The following RGS17 variants were observed in gnomAD, a reference collection of about 807,000 sequenced individuals.
The protein encoded by RGS17 is regulator of G protein signaling 17.
RGS17 carries 12 observed loss-of-function variants against 25.5 expected under a neutral mutation model. The observed-to-expected ratio is 0.47, with a 90% CI of 0.30 to 0.76. The LOEUF is 0.76. Among genes scored for constraint, RGS17 ranks in the 30% least tolerant of loss-of-function variants. The probability of loss-of-function intolerance (pLI) is 0.07; values close to 1 mark genes in which losing one functional copy is unlikely to be tolerated. For missense variants in RGS17, 196 were observed against 242.2 expected (o/e 0.81, Z 1.27); for synonymous variants, 71 against 76.9 (o/e 0.92, Z 0.40).
At chr6:153,116,553 A>T (rs527575334) in intron 1 of RGS17, among the ~76,000 whole-genome samples, 1 of 152,328 alleles carries the variant, frequency 6.6e-6, no homozygotes, top group South Asian at 2.1e-4. Context: ...ATACCATTTG[A>T]CCCAGCAATC....
chr6:153,025,102 G>A (rs187403199), intron 3 of RGS17, among the ~76,000 whole-genome samples: 1 of 151,858 alleles, frequency 6.6e-6, no homozygotes, highest in Non-Finnish European at 1.5e-5. Context: ...TTGAGTCCAG[G>A]AGTTTGAGGT....
intron 1 of RGS17, among the ~76,000 whole-genome samples, chr6:153,114,892 A>G (rs1777522386): frequency 6.6e-6 from 1 of 152,238 alleles, no homozygotes; most frequent in East Asian, 1.9e-4. Context: ...CTTCATGCTA[A>G]AAACTCTCAA....
intron 1 of RGS17, among the ~76,000 whole-genome samples, chr6:153,083,607 A>C: frequency 6.6e-6 from 1 of 152,232 alleles, no homozygotes; most frequent in East Asian, 1.9e-4. Flanking sequence ...CAATATTTAT[A>C]GGGGAGGACA....
intron 2 of RGS17, among the ~76,000 whole-genome samples, chr6:153,039,713 T>C (rs1296090888): frequency 1.3e-5 from 2 of 152,222 alleles, no homozygotes; most frequent in Non-Finnish European, 1.5e-5. Context: ...TTTAAGCTCA[T>C]AATAAACTTT....
chr6:153,115,642 G>C (rs1361369587), intron 1 of RGS17, among the ~76,000 whole-genome samples: 1 of 152,126 alleles, frequency 6.6e-6, no homozygotes. Context: ...AAAGAACAAA[G>C]CTGGAGGCAT....
At chr6:153,117,239 A>C (rs1185711872) in intron 1 of RGS17, among the ~76,000 whole-genome samples, 2 of 152,136 alleles carry the variant, frequency 1.3e-5, no homozygotes, top group Non-Finnish European at 2.9e-5. Flanking sequence ...TGGCAGCAGG[A>C]GAGAGAAGAA....
At chr6:153,070,701 G>GTGTA (rs1197990953) in intron 1 of RGS17, among the ~76,000 whole-genome samples, 1 of 104,640 alleles carries the variant, frequency 9.6e-6, no homozygotes, top group Non-Finnish European at 2.2e-5. Context: ...GTGTGTGTGT[G>GTGTA]TATATACATA....
intron 1 of RGS17, among the ~76,000 whole-genome samples, chr6:153,080,029 T>G (rs879820810): frequency 1.3e-5 from 2 of 152,198 alleles, no homozygotes; most frequent in Non-Finnish European, 2.9e-5. Context: ...GTCGCCAGGC[T>G]GGAGGGCAGT....
At chr6:153,020,111 A>AAATAT (rs1426592195) in intron 4 of RGS17, among the ~76,000 whole-genome samples, 34 of 58,458 alleles carry the variant, frequency 5.8e-4, no homozygotes, top group East Asian at 1.8e-3. Flanking sequence ...AAAAAAAAAA[A>AAATAT]ATATATATAT....
chr6:153,081,065 A>T (rs1776971956), intron 1 of RGS17, among the ~76,000 whole-genome samples: 1 of 152,114 alleles, frequency 6.6e-6, no homozygotes, highest in African/African-American at 2.4e-5. Flanking sequence ...CTTGAAAAGG[A>T]TGTATACTCT....
intron 1 of RGS17, among the ~76,000 whole-genome samples, chr6:153,099,648 A>G (rs1237658175): frequency 1.3e-5 from 2 of 152,182 alleles, no homozygotes; most frequent in Non-Finnish European, 2.9e-5. Flanking sequence ...TTGGGTAGAA[A>G]AAAAAGATGT....
At chr6:153,113,270 G>A (rs563135636) in intron 1 of RGS17, among the ~76,000 whole-genome samples, 5 of 152,124 alleles carry the variant, frequency 3.3e-5, no homozygotes, top group Non-Finnish European at 7.4e-5. Context: ...AAAAAAGCAG[G>A]GTTGGCCATC....
intron 1 of RGS17, among the ~76,000 whole-genome samples, chr6:153,045,460 G>A (rs1047384975): frequency 1.3e-5 from 2 of 152,190 alleles, no homozygotes; most frequent in Non-Finnish European, 2.9e-5. Context: ...CAGCCAATCA[G>A]CTTATTTGTT....
chr6:153,012,443 A>G (rs1425776422), intron 4 of RGS17, among the ~76,000 whole-genome samples: 1 of 152,242 alleles, frequency 6.6e-6, no homozygotes, highest in East Asian at 1.9e-4. Context: ...ATGACCATTA[A>G]GATAATCAAT....
At chr6:153,017,656 A>G (rs1286911350) in intron 4 of RGS17, among the ~76,000 whole-genome samples, 2 of 152,168 alleles carry the variant, frequency 1.3e-5, no homozygotes. Flanking sequence ...TTGAATTTTT[A>G]CTGAAAGTCT....
rs1303500659 is a variant in RGS17 at position 153,005,679 on chromosome 6, C to T, written c.*5895G>A. ...GTCTAGTCACGAGAAAAACATCAGACGAATCCCCATAGAAGGACATTCTAC... is the reference window on the plus strand; with the variant it reads ...GTCTAGTCACGAGAAAAACATCAGATGAATCCCCATAGAAGGACATTCTAC... On this transcript the variant is annotated 3_prime_UTR_variant, in exon 5 of 5. Coordinates refer to ENST00000206262, the MANE Select transcript of RGS17 (RefSeq NM_012419.5). 2.0e-5 allele frequency: 3 copies of T among 152,114 alleles called. No individual in the cohort carries two copies. Among genetic ancestry groups the T allele is most frequent in the Non-Finnish European group, 4.4e-5 (3 of 68,030 alleles). 9.4% of individuals were successfully genotyped at this position (152,114 alleles called of 1,614,324 possible).
chr6:153,097,756 G>C (rs1777239048), intron 1 of RGS17, among the ~76,000 whole-genome samples: 1 of 152,056 alleles, frequency 6.6e-6, no homozygotes, highest in South Asian at 2.1e-4. Context: ...AGAAAGAGGA[G>C]GAAGGTTGTG....
chr6:153,041,087 C>T (rs971316274), intron 2 of RGS17, among the ~76,000 whole-genome samples: 9 of 151,922 alleles, frequency 5.9e-5, no homozygotes, highest in African/African-American at 2.2e-4. Context: ...ATCACTTGAG[C>T]CCAGGAGTTG....
At chr6:153,117,868 G>A (rs1011716486) in intron 1 of RGS17, among the ~76,000 whole-genome samples, 7 of 152,152 alleles carry the variant, frequency 4.6e-5, no homozygotes, top group African/African-American at 1.4e-4. Context: ...CTAGTTTCTG[G>A]AATGAGGGAG....
Sources: allele counts gnomAD v4.1 joint callset (sites outside exome capture counted in the v4.1 genomes callset), GRCh38; gene constraint gnomAD v4.1.1; transcripts MANE v1.5; gene names NCBI Gene and HGNC (gene_info 2026-07-23, HGNC 2026-07-21).